PPP1R14C: variants seen among roughly 807,000 people sequenced by gnomAD.
PPP1R14C encodes the protein protein phosphatase 1 regulatory subunit 14C.
PPP1R14C carries 16 observed loss-of-function variants against 20.4 expected under a neutral mutation model. That is an observed-to-expected ratio of 0.78 (90% CI 0.53 to 1.19). PPP1R14C has a LOEUF of 1.19. PPP1R14C is among the 50% of genes most tolerant of loss of function. The pLI is 0.00. For synonymous variants in PPP1R14C, 91 were observed against 91.0 expected (o/e 1.00, Z 0.00); for missense variants, 211 against 220.1 (o/e 0.96, Z 0.26).
chr6:150,208,188 G>C (rs1481437769), intron 1 of PPP1R14C, among the ~76,000 whole-genome samples: 2 of 152,096 alleles, frequency 1.3e-5, no homozygotes, highest in African/African-American at 2.4e-5. Context: ...GAGTTTCGGA[G>C]GGGTCAAACC....
At chr6:150,171,032 A>C (rs1777493037) in intron 1 of PPP1R14C, among the ~76,000 whole-genome samples, 1 of 151,854 alleles carries the variant, frequency 6.6e-6, no homozygotes, top group Non-Finnish European at 1.5e-5. Flanking sequence ...CCTCCCCACC[A>C]ACTCCCCCGG....
Position 150,151,437 on chromosome 6 carries a change from G to A in PPP1R14C, c.306+7939G>A, listed in dbSNP as rs186415990. 2.5e-3 allele frequency among the ~76,000 whole-genome samples: 384 copies of A among 152,256 alleles called. 2 individuals are homozygous for A. Among genetic ancestry groups the A allele is most frequent in the African/African-American group, 8.4e-3 (348 of 41,544 alleles). ...TGATGCTCCTACAGCTCTGGAATAT[G>A]AGTCCCCACTGGTCCCTGCCACTGC... On this transcript the variant is annotated intron_variant, in intron 1 of 3. Transcript: ENST00000361131.
intron 3 of PPP1R14C, among the ~76,000 whole-genome samples, chr6:150,233,959 TAACACACAC>T (rs1778323134): frequency 6.6e-6 from 1 of 152,136 alleles, no homozygotes; most frequent in African/African-American, 2.4e-5. Flanking sequence ...GCAGTTCACG[TAACACACAC>T]AGCTTTGGGA....
chr6:150,201,292 A>G lies in PPP1R14C; in HGVS notation c.307-13452A>G, dbSNP rs756068029. Among the ~76,000 whole-genome samples the G allele has an allele frequency of 6.6e-6, 1 of 152,188 alleles. No homozygotes were observed. Among genetic ancestry groups the G allele is most frequent in the Non-Finnish European group, 1.5e-5 (1 of 68,030 alleles). The stretch of plus-strand genomic sequence containing the variant: ...AAATGTGAATTGGAAGAGTGTGGAA[A>G]GTGCAGCGAAAGAGAGGTGCAGGGC... On this transcript the variant is annotated intron_variant, in intron 1 of 3. Transcript: ENST00000361131. The surrounding 1 kb of genome is among the most constrained non-coding windows in gnomAD (Gnocchi z 4.2).
chr6:150,154,264 G>A (rs1777281444), intron 1 of PPP1R14C, among the ~76,000 whole-genome samples: 1 of 152,210 alleles, frequency 6.6e-6, no homozygotes, highest in Non-Finnish European at 1.5e-5. Flanking sequence ...TGGGCTTCAG[G>A]AATGAATAAG....
At chr6:150,226,153 A>G (rs1366260327) in intron 3 of PPP1R14C, among the ~76,000 whole-genome samples, 1 of 152,072 alleles carries the variant, frequency 6.6e-6, no homozygotes, top group Non-Finnish European at 1.5e-5. Flanking sequence ...GACTCTTGTC[A>G]TGTAAATCTT....
chr6:150,198,290 C>T (rs1387347985), intron 1 of PPP1R14C, among the ~76,000 whole-genome samples: 8 of 140,528 alleles, frequency 5.7e-5, no homozygotes, highest in African/African-American at 2.0e-4. Context: ...GCTTTGTGTG[C>T]CCCTGGCCGC....
intron 1 of PPP1R14C, among the ~76,000 whole-genome samples, chr6:150,164,337 C>G (rs1230104528): frequency 6.6e-6 from 1 of 152,194 alleles, no homozygotes; most frequent in African/African-American, 2.4e-5. Context: ...GCCTTTTTCA[C>G]TCTCTGAATG....
At chr6:150,156,024 C>CAAAAAAAAAAAAAAA (rs67908012) in intron 1 of PPP1R14C, among the ~76,000 whole-genome samples, 15 of 38,408 alleles carry the variant, frequency 3.9e-4, no homozygotes, top group Non-Finnish European at 5.2e-4. Context: ...GACTCTGTCT[C>CAAAAAAAAAAAAAAA]AAAAAAAAAA....
chr6:150,236,768 A>G (rs144190679), intron 3 of PPP1R14C, among the ~76,000 whole-genome samples: 2 of 152,222 alleles, frequency 1.3e-5, no homozygotes, highest in Non-Finnish European at 2.9e-5. Flanking sequence ...TTGAGACGGG[A>G]GGTCGCACAG....
chr6:150,156,150 C>T (rs1381971682), intron 1 of PPP1R14C, among the ~76,000 whole-genome samples: 4 of 151,918 alleles, frequency 2.6e-5, no homozygotes, highest in African/African-American at 9.7e-5. Context: ...TTGCATGAGC[C>T]GTTGGTCATG....
At chr6:150,184,581 G>A (rs184347809) in intron 1 of PPP1R14C, among the ~76,000 whole-genome samples, 72 of 150,814 alleles carry the variant, frequency 4.8e-4, no homozygotes, top group East Asian at 1.8e-3. Context: ...GTGTTTTGTC[G>A]TTACTATACC....
chr6:150,143,060 T>C lies in PPP1R14C; in HGVS notation c.-133T>C. 1.9e-6 allele frequency: 2 copies of C among 1,076,902 alleles called. No homozygotes were observed. The highest frequency in any genetic ancestry group is 8.4e-4 in the Middle Eastern group (2 of 2,392). The allele number at this position is 1,076,902 out of a possible 1,614,324, so 66.7% of individuals were successfully genotyped here. ...CGCCCTCCCAGAGCAGCCGGGCGGC[T>C]GGGCGCGCGCGGCGCAGAGCAGGTG... is the stretch of plus-strand genomic sequence containing the variant. On this transcript the variant is annotated 5_prime_UTR_variant, in exon 1 of 4. Transcript: ENST00000361131. The surrounding 1 kb of genome is among the most constrained non-coding windows in gnomAD (Gnocchi z 5.6).
chr6:150,169,176 C>G (rs1387290185), intron 1 of PPP1R14C, among the ~76,000 whole-genome samples: 1 of 152,274 alleles, frequency 6.6e-6, no homozygotes, highest in African/African-American at 2.4e-5. Flanking sequence ...CGTGCCCAGC[C>G]TCAATATAAA....
chr6:150,216,804 T>C lies in PPP1R14C; in HGVS notation c.391-20T>C. 1 of 1,551,278 alleles carries C rather than the reference T, an allele frequency of 6.4e-7. No homozygotes were observed. The highest frequency in any genetic ancestry group is 8.8e-7 in the Non-Finnish European group (1 of 1,138,918). On this transcript the variant is annotated intron_variant, in intron 2 of 3. Transcript: ENST00000361131. Reference sequence around the variant, plus strand: ...GAATTTTAAAATAATAAAACTGATTTTCTGTGTGTTTAATTCTAGGAAGCT... The same window carrying C: ...GAATTTTAAAATAATAAAACTGATTCTCTGTGTGTTTAATTCTAGGAAGCT...
At chr6:150,156,732 T>G (rs1047001297) in intron 1 of PPP1R14C, among the ~76,000 whole-genome samples, 3 of 152,226 alleles carry the variant, frequency 2.0e-5, no homozygotes, top group African/African-American at 7.2e-5. Context: ...CTTGCTATAA[T>G]GAAAGCACCC....
chr6:150,235,578 G>T (rs922754806), intron 3 of PPP1R14C, among the ~76,000 whole-genome samples: 5 of 152,224 alleles, frequency 3.3e-5, no homozygotes, highest in African/African-American at 9.6e-5. Flanking sequence ...CTGGCTGGGG[G>T]CACTGGACGT....
chr6:150,161,106 C>A (rs1409957785), intron 1 of PPP1R14C, among the ~76,000 whole-genome samples: 1 of 151,826 alleles, frequency 6.6e-6, no homozygotes, highest in Non-Finnish European at 1.5e-5. Context: ...ATGGTGAAAC[C>A]CCATCTCTAC....
At chr6:150,171,909 G>T (rs1777504189) in intron 1 of PPP1R14C, among the ~76,000 whole-genome samples, 1 of 152,064 alleles carries the variant, frequency 6.6e-6, no homozygotes, top group Non-Finnish European at 1.5e-5. Flanking sequence ...GGGTTCAAAT[G>T]GTTCTCCTGC....
Sources: gnomAD v4.1 joint callset for allele counts (sites outside exome capture counted in the v4.1 genomes callset) on GRCh38, gnomAD v4.1.1 for gene constraint, Gnocchi (gnomAD v3.1) non-coding constraint, MANE v1.5 for transcripts, NCBI Gene and HGNC (gene_info 2026-07-23, HGNC 2026-07-21) for gene names.